The following CWF19L2 variants were observed in gnomAD, a reference collection of about 807,000 sequenced individuals.
CWF19L2 encodes CWF19-like protein 2.
Under a neutral mutation model 111.7 loss-of-function variants are expected in CWF19L2, and 98 were observed. That is an observed-to-expected ratio of 0.88 (90% confidence interval 0.75 to 1.04). The LOEUF is 1.04. Ranked by LOEUF, CWF19L2 falls within the 50% of genes least tolerant of loss-of-function variation. The pLI, the probability that CWF19L2 is intolerant of heterozygous loss-of-function variation, is 0.00. For synonymous variants in CWF19L2, 351 were observed against 342.9 expected (o/e 1.02, Z -0.26); for missense variants, 1,101 against 1,051.4 (o/e 1.05, Z -0.65).
chr11:107,434,446 C>A (rs931560980), intron 6 of CWF19L2, among the ~76,000 whole-genome samples: 14 of 151,952 alleles, frequency 9.2e-5, no homozygotes, highest in African/African-American at 3.4e-4. Flanking sequence ...AATAAAAATT[C>A]TGTTCCTGAT....
chr11:107,367,191 G>A (rs1860442972), intron 12 of CWF19L2, among the ~76,000 whole-genome samples: 1 of 126,390 alleles, frequency 7.9e-6, no homozygotes, highest in Non-Finnish European at 1.7e-5. Flanking sequence ...GTGCTGGAGA[G>A]GATGTGGAGA....
intron 6 of CWF19L2, among the ~76,000 whole-genome samples, chr11:107,435,821 A>C (rs1047053634): frequency 1.3e-5 from 2 of 152,158 alleles, no homozygotes; most frequent in Non-Finnish European, 2.9e-5. Flanking sequence ...GTCAATATTT[A>C]TTATGAATAT....
At chr11:107,330,247 T>C (rs1344051652) in intron 16 of CWF19L2, among the ~76,000 whole-genome samples, 1 of 152,210 alleles carries the variant, frequency 6.6e-6, no homozygotes, top group Non-Finnish European at 1.5e-5. Context: ...CTATGAATTA[T>C]AATCAAAACC....
At chr11:107,342,182 T>C (rs949961124) in intron 14 of CWF19L2, among the ~76,000 whole-genome samples, 9 of 151,996 alleles carry the variant, frequency 5.9e-5, no homozygotes, top group Admixed American at 2.6e-4. Context: ...GTGCTATAAA[T>C]TTCTCTCTCG....
In CWF19L2 at chr11:107,353,373, A is replaced by G. The variant is rs1591157494; in HGVS notation, c.2085+151T>C. On this transcript the variant is annotated intron_variant, in intron 13 of 17. Coordinates refer to ENST00000282251, the MANE Select transcript of CWF19L2 (RefSeq NM_152434.3). ...TTGTATACAATGGAGAACAAAAGTTATCTCTGTCTTCACGGAGCTTAAAAA... is the reference window on the plus strand; with the variant it reads ...TTGTATACAATGGAGAACAAAAGTTGTCTCTGTCTTCACGGAGCTTAAAAA... 8 of 631,838 alleles carry G rather than the reference A, an allele frequency of 1.3e-5. No homozygotes were observed. The East Asian group carries it at 2.2e-4, about 17-fold the overall frequency. The allele number at this position is 631,838 out of a possible 1,614,324, so 39.1% of individuals were successfully genotyped here. A position where few individuals can be genotyped will look rare whatever the true frequency, so the allele number is the denominator to read the frequency against.
intron 13 of CWF19L2, among the ~76,000 whole-genome samples, chr11:107,351,406 G>A (rs1197578613): frequency 6.6e-6 from 1 of 152,088 alleles, no homozygotes; most frequent in Non-Finnish European, 1.5e-5. Context: ...AGGTAAAGGT[G>A]GAGACGGGTA....
intron 10 of CWF19L2, among the ~76,000 whole-genome samples, chr11:107,411,188 T>C (rs1166070525): frequency 6.6e-6 from 1 of 151,970 alleles, no homozygotes; most frequent in Non-Finnish European, 1.5e-5. Flanking sequence ...TTCTGACCCA[T>C]TATTCTGTTA....
chr11:107,328,779 T>C (rs1433625419), intron 17 of CWF19L2, among the ~76,000 whole-genome samples: 3 of 152,184 alleles, frequency 2.0e-5, no homozygotes, highest in African/African-American at 4.8e-5. Flanking sequence ...GAGCTTTTGG[T>C]TATAAAGCTC....
At chr11:107,339,959 C>T (rs891477018) in intron 14 of CWF19L2, among the ~76,000 whole-genome samples, 5 of 152,082 alleles carry the variant, frequency 3.3e-5, no homozygotes, top group Non-Finnish European at 1.5e-5. Context: ...TGAGGCACTG[C>T]GCTCAGCCAA....
At chr11:107,456,786 C>T (rs1225732281) in intron 1 of CWF19L2, among the ~76,000 whole-genome samples, 1 of 151,908 alleles carries the variant, frequency 6.6e-6, no homozygotes, top group African/African-American at 2.4e-5. Flanking sequence ...ACAGAAAAAT[C>T]GATATCAGAG....
chr11:107,358,673 T>C (rs938617124), intron 12 of CWF19L2, among the ~76,000 whole-genome samples: 1 of 152,262 alleles, frequency 6.6e-6, no homozygotes, highest in African/African-American at 2.4e-5. Context: ...AATAGATTAG[T>C]AGCTGCTTAG....
Position 107,372,775 on chromosome 11 carries a change from T to C in CWF19L2, c.1872+17299A>G, listed in dbSNP as rs372054858. ...AAGATAGCGGGTTGAGGAGCCAAGA[T>C]GGCCAAATAGGAACTGCTCCGGTCT... is the stretch of plus-strand genomic sequence containing the variant. On this transcript the variant is annotated intron_variant, in intron 12 of 17. Transcript: ENST00000282251. Among the ~76,000 whole-genome samples, 7 of 132,732 alleles carry C rather than the reference T, an allele frequency of 5.3e-5. 1 individual carries two copies. The South Asian group carries it at 7.7e-4, about 15-fold the overall frequency. 87.1% of individuals were successfully genotyped at this position (132,732 alleles called of 152,430 possible).
At chr11:107,356,520 C>T (rs1052208895) in intron 12 of CWF19L2, among the ~76,000 whole-genome samples, 1 of 152,084 alleles carries the variant, frequency 6.6e-6, no homozygotes, top group African/African-American at 2.4e-5. Flanking sequence ...CTTGACTTTT[C>T]CAGGTTTGTC....
At chr11:107,448,024 G>A (rs1399542917) in intron 3 of CWF19L2, among the ~76,000 whole-genome samples, 2 of 152,006 alleles carry the variant, frequency 1.3e-5, no homozygotes, top group Non-Finnish European at 2.9e-5. Flanking sequence ...ACTGGATAGG[G>A]ATAACAGTAA....
At chr11:107,444,279 T>G (rs1294118217) in intron 3 of CWF19L2, among the ~76,000 whole-genome samples, 1 of 152,096 alleles carries the variant, frequency 6.6e-6, no homozygotes, top group Non-Finnish European at 1.5e-5. Context: ...ACATCTACTG[T>G]CCCCATTAAT....
Position 107,418,220 on chromosome 11 carries a change from T to C in CWF19L2, c.1501A>G (p.Ile501Val), listed in dbSNP as rs750741972. ...ATATTCCCCATCATCTCTGCTTTGA[T>C]AATCTTGGCTCCCAACTTGTTCTTC... ...DEKNKLGAKI[I>V]KAEMMGNMEL... is the part of the protein sequence containing the mutation. Residue 501 changes from isoleucine to valine, a missense_variant, in exon 9 of 18, where the codon ATC becomes GTC. Physicochemically the swap from Ile to Val is conservative, Grantham distance 29. Transcript: ENST00000282251. The C allele has an allele frequency of 2.5e-6, 4 of 1,610,834 alleles. No individual in the cohort carries two copies. Among genetic ancestry groups the C allele is most frequent in the Middle Eastern group, 1.6e-4 (1 of 6,078 alleles).
chr11:107,370,902 TA>T (rs1860497871), intron 12 of CWF19L2, among the ~76,000 whole-genome samples: 1 of 137,928 alleles, frequency 7.3e-6, no homozygotes, highest in South Asian at 2.4e-4. Flanking sequence ...CTGAGAGACA[TA>T]AGTACCTTTT....
At chr11:107,338,866 C>T (rs1481377110) in intron 14 of CWF19L2, among the ~76,000 whole-genome samples, 2 of 152,120 alleles carry the variant, frequency 1.3e-5, no homozygotes, top group Non-Finnish European at 2.9e-5. Context: ...GTGAATAGTG[C>T]TGCAATGAAC....
intron 12 of CWF19L2, among the ~76,000 whole-genome samples, chr11:107,371,954 T>A (rs962501508): frequency 7.3e-6 from 1 of 137,528 alleles, no homozygotes; most frequent in Admixed American, 7.2e-5. Flanking sequence ...TTAAATATTA[T>A]TGTTGCAAAA....
Sources: allele counts gnomAD v4.1 joint callset (sites outside exome capture counted in the v4.1 genomes callset), GRCh38; gene constraint gnomAD v4.1.1; transcripts MANE v1.5; gene names NCBI Gene and HGNC (gene_info 2026-07-23, HGNC 2026-07-21).